Variants in DPYSL3 observed in about 807,000 individuals in gnomAD.
DPYSL3 encodes the protein dihydropyrimidinase-related protein 3.
DPYSL3 carries 16 observed loss-of-function variants against 66.1 expected under a neutral mutation model. The observed-to-expected ratio is 0.24, with a 90% CI of 0.16 to 0.37. The LOEUF (loss-of-function observed/expected upper bound fraction) is 0.37, where lower values mean the gene tolerates loss of function less well. Among genes scored for constraint, DPYSL3 ranks in the 10% least tolerant of loss-of-function variants. DPYSL3 has a pLI of 1.00. For synonymous variants in DPYSL3, 338 were observed against 345.1 expected, an observed-to-expected ratio of 0.98 and a Z score of 0.23; for missense variants, 738 against 916.2, an observed-to-expected ratio of 0.81 and a Z score of 2.51.
rs1167243906 is a variant in DPYSL3, at chr5:147,415,029, G to C, written c.820+680C>G. 7.9e-5 allele frequency among the ~76,000 whole-genome samples: 12 copies of C among 152,252 alleles called. No individual in the cohort carries two copies. In the East Asian group the frequency reaches 1.7e-3, roughly 22 times the overall value. ...TGTGCATATGTGTGCCTGTATGTGG[G>C]GGGGAGGGGTTTGCAATATCTGTTG... On this transcript the variant is annotated intron_variant, in intron 4 of 13. Transcript: ENST00000343218.
At chr5:147,500,464 A>G (rs1214167244) in intron 1 of DPYSL3, among the ~76,000 whole-genome samples, 1 of 151,928 alleles carries the variant, frequency 6.6e-6, no homozygotes, top group Admixed American at 6.6e-5. Context: ...AAATACAAGA[A>G]TTAGCCGGGC....
intron 1 of DPYSL3, among the ~76,000 whole-genome samples, chr5:147,505,144 C>G (rs1159819977): frequency 6.6e-6 from 1 of 152,100 alleles, no homozygotes; most frequent in Non-Finnish European, 1.5e-5. Context: ...TGAGAAAACT[C>G]TAAATACACA....
At chr5:147,487,783 T>A (rs148808363) in intron 1 of DPYSL3, among the ~76,000 whole-genome samples, 71 of 152,320 alleles carry the variant, frequency 4.7e-4, no homozygotes, top group African/African-American at 1.5e-3. Context: ...AGCTATCTAA[T>A]CCTTCATTTG....
intron 1 of DPYSL3, among the ~76,000 whole-genome samples, chr5:147,502,768 A>G (rs1044240514): frequency 2.0e-5 from 3 of 151,926 alleles, no homozygotes; most frequent in African/African-American, 7.2e-5. Context: ...AGTAGAGACG[A>G]GGTTTCACCG....
intron 3 of DPYSL3, 139 bp downstream of exon 3, chr5:147,418,308 T>C: frequency 1.8e-5 from 15 of 832,258 alleles, no homozygotes; most frequent in Non-Finnish European, 2.7e-5. Flanking sequence ...AATCTGCTTT[T>C]CTCAGGTCCC....
At chr5:147,447,680 G>T (rs1383685467) in intron 1 of DPYSL3, among the ~76,000 whole-genome samples, 2 of 152,136 alleles carry the variant, frequency 1.3e-5, no homozygotes, top group East Asian at 3.9e-4. Context: ...AGACCAGCCT[G>T]ACCAACATGG....
At chr5:147,436,369 T>C (rs1013153070) in intron 1 of DPYSL3, among the ~76,000 whole-genome samples, 2 of 152,232 alleles carry the variant, frequency 1.3e-5, no homozygotes, top group African/African-American at 4.8e-5. Context: ...AAGTAAGTTC[T>C]GGAGCAATAT....
intron 1 of DPYSL3, among the ~76,000 whole-genome samples, chr5:147,453,338 C>T (rs901797256): frequency 6.6e-6 from 1 of 152,172 alleles, no homozygotes; most frequent in Non-Finnish European, 1.5e-5. Flanking sequence ...TTTGGGTTTC[C>T]TCTTTGTTTT....
chr5:147,502,030 T>TA (rs1753619415), intron 1 of DPYSL3, among the ~76,000 whole-genome samples: 1 of 152,162 alleles, frequency 6.6e-6, no homozygotes, highest in African/African-American at 2.4e-5. Flanking sequence ...GGCTTATAAA[T>TA]AATAAATGTA....
intron 1 of DPYSL3, among the ~76,000 whole-genome samples, chr5:147,448,691 A>G (rs1246318189): frequency 6.6e-6 from 1 of 152,214 alleles, no homozygotes; most frequent in Non-Finnish European, 1.5e-5. Flanking sequence ...GGGTCTTGCC[A>G]CATAGACTTG....
At position 147,393,655 on chromosome 5, in the gene DPYSL3, C is replaced by T; in HGVS notation, c.*380G>A. ...GCTCCAGGCTCCCACCACCCACTCA[C>T]CCCAAATAACCTGCGTCCCTTTTGT... On this transcript the variant is annotated 3_prime_UTR_variant, in exon 14 of 14. Coordinates refer to ENST00000343218, the MANE Select transcript of DPYSL3 (RefSeq NM_001197294.2). The T allele has an allele frequency of 4.9e-6, 1 of 203,474 alleles. No homozygotes were observed. Among genetic ancestry groups the T allele is most frequent in the Non-Finnish European group, 1.0e-5 (1 of 97,642 alleles). The allele number at this position is 203,474 out of a possible 1,614,324, so 12.6% of individuals were successfully genotyped here.
In DPYSL3 at chr5:147,509,788, C is replaced by T. The variant is rs1471223935; in HGVS notation, c.71G>A (p.Gly24Asp). The T allele has an allele frequency of 2.0e-6, 3 of 1,535,990 alleles. No homozygotes were observed. In the South Asian group the frequency reaches 3.6e-5, roughly 18 times the overall value. The change falls in exon 1 of 14, where the codon GGC (glycine) becomes GAC (aspartate). Residue 24 changes from glycine to aspartate, a missense_variant. Coordinates refer to ENST00000343218, the MANE Select transcript of DPYSL3 (RefSeq NM_001197294.2). This position sits in a 1 kb window ranked among gnomAD's most constrained non-coding sequence, Gnocchi z 5.3. ...DDLPVYLARP[G>D]TTDQVPRQKY... is the part of the protein sequence containing the mutation. Reference sequence around the variant, plus strand: ...CTGCCGCGGGACCTGGTCCGTGGTGCCCGGCCTGGCCAGGTACACGGGCAG... The same window carrying T: ...CTGCCGCGGGACCTGGTCCGTGGTGTCCGGCCTGGCCAGGTACACGGGCAG...
At chr5:147,475,480 T>C (rs1327059738) in intron 1 of DPYSL3, among the ~76,000 whole-genome samples, 1 of 152,136 alleles carries the variant, frequency 6.6e-6, no homozygotes, top group Non-Finnish European at 1.5e-5. Context: ...CTGGCATCTA[T>C]ATGGTTTTTG....
rs112709633 is a variant in DPYSL3, at chr5:147,428,317, AG to A, written c.382-3355del. 9.4e-3 allele frequency among the ~76,000 whole-genome samples: 1,436 copies of A among 152,270 alleles called. 25 individuals carry two copies. The highest frequency in any genetic ancestry group is 0.034 in the African/African-American group (1,395 of 41,550). On this transcript the variant is annotated intron_variant, in intron 1 of 13. Coordinates refer to ENST00000343218, the MANE Select transcript of DPYSL3 (RefSeq NM_001197294.2). ...CAAAAATATCAAAACCTGAACTTAAAGAGCTCAAATAAATGCTTCCTCTATG... is the reference window on the plus strand; with the variant it reads ...CAAAAATATCAAAACCTGAACTTAAAAGCTCAAATAAATGCTTCCTCTATG...
rs189087709 is a variant in DPYSL3, at chr5:147,404,910, C to T, written c.1153+700G>A. 2.2e-3 allele frequency among the ~76,000 whole-genome samples: 340 copies of T among 152,058 alleles called. 1 individual carries two copies. The highest frequency in any genetic ancestry group is 7.2e-3 in the African/African-American group (298 of 41,380). On this transcript the variant is annotated intron_variant, in intron 8 of 13. Transcript: ENST00000343218. ...TCTGCACTGTGGCCTCAATCCTGGC[C>T]AGATTATATCATCCCCGGGGTGTTT... is the stretch of plus-strand genomic sequence containing the variant.
chr5:147,490,481 G>T (rs1363195676), intron 1 of DPYSL3, among the ~76,000 whole-genome samples: 1 of 152,154 alleles, frequency 6.6e-6, no homozygotes. Flanking sequence ...GCCATTGTTA[G>T]TTATGCTTTA....
At position 147,440,926 on chromosome 5, in the gene DPYSL3, T is replaced by C. The variant is rs1287555557; in HGVS notation, c.382-15963A>G. Among the ~76,000 whole-genome samples, 4 of 152,204 alleles carry C rather than the reference T, an allele frequency of 2.6e-5. 1 individual carries two copies. In the East Asian group the frequency reaches 7.7e-4, roughly 29 times the overall value. Reference sequence around the variant, plus strand: ...GCCAGTTAGTTAATAATGATGTAACTTGAGGTAAATTAACTTTCTGAGCTT... The same window carrying C: ...GCCAGTTAGTTAATAATGATGTAACCTGAGGTAAATTAACTTTCTGAGCTT... On this transcript the variant is annotated intron_variant, in intron 1 of 13. Transcript: ENST00000343218.
rs774205663 is a variant in DPYSL3, at chr5:147,509,537, C to T, written c.322G>A (p.Val108Ile). ...PAPASPAPAG[V>I]EIRSATGKEV... ...TTGCCGGTGGCGCTCCGGATCTCTA[C>T]CCCGGCGGGGGCGGGGGAGGCGGGC... is the stretch of plus-strand genomic sequence containing the variant. Residue 108 changes from valine to isoleucine, a missense_variant, in exon 1 of 14, where the codon GTA becomes ATA. Physicochemically the swap from Val to Ile is conservative, Grantham distance 29. Coordinates refer to ENST00000343218, the MANE Select transcript of DPYSL3 (RefSeq NM_001197294.2). This position sits in a 1 kb window ranked among gnomAD's most constrained non-coding sequence, Gnocchi z 5.3. 7.8e-6 allele frequency: 12 copies of T among 1,534,630 alleles called. No homozygotes were observed. In the South Asian group the frequency reaches 8.3e-5, roughly 11 times the overall value.
rs558717846 is a variant in DPYSL3 at position 147,496,085 on chromosome 5, A to G, written c.381+13393T>C. Among the ~76,000 whole-genome samples, 239 of 152,322 alleles carry G rather than the reference A, an allele frequency of 1.6e-3. 2 individuals are homozygous for G. The highest frequency in any genetic ancestry group is 5.4e-3 in the African/African-American group (224 of 41,580). ...AATGGAACAGAACAGAGCCCTCAGAAATAATGCCACATATCTACAACTATC... is the reference window on the plus strand; with the variant it reads ...AATGGAACAGAACAGAGCCCTCAGAGATAATGCCACATATCTACAACTATC... On this transcript the variant is annotated intron_variant, in intron 1 of 13. Coordinates refer to ENST00000343218, the MANE Select transcript of DPYSL3 (RefSeq NM_001197294.2).
Sources: gnomAD v4.1 joint callset for allele counts (sites outside exome capture counted in the v4.1 genomes callset) on GRCh38, gnomAD v4.1.1 for gene constraint, Gnocchi (gnomAD v3.1) non-coding constraint, MANE v1.5 for transcripts, NCBI Gene and HGNC (gene_info 2026-07-23, HGNC 2026-07-21) for gene names.